Variants in AGPS observed in about 807,000 individuals in gnomAD.
The protein encoded by AGPS is alkylglycerone phosphate synthase, also known as alkyldihydroxyacetonephosphate synthase, peroxisomal.
In AGPS, 26 loss-of-function variants were observed where a neutral mutation model predicts 90.7. That is an observed-to-expected ratio of 0.29 (90% CI 0.21 to 0.40). The LOEUF is 0.40. Ranked by LOEUF, AGPS falls within the 10% of genes least tolerant of loss-of-function variation. The pLI, the probability that AGPS is intolerant of heterozygous loss-of-function variation, is 1.00. For synonymous variants in AGPS, 294 were observed against 285.3 expected (o/e 1.03, Z -0.31); for missense variants, 540 against 816.1 (o/e 0.66, Z 4.12).
At chr2:177,454,718 G>A (rs182657942) in intron 8 of AGPS, among the ~76,000 whole-genome samples, 11 of 152,164 alleles carry the variant, frequency 7.2e-5, no homozygotes, top group Non-Finnish European at 1.5e-4. Flanking sequence ...CTCCTGGGAT[G>A]CACTTATGTG....
intron 8 of AGPS, among the ~76,000 whole-genome samples, chr2:177,451,728 T>G (rs1454908422): frequency 6.6e-6 from 1 of 152,164 alleles, no homozygotes; most frequent in East Asian, 1.9e-4. Flanking sequence ...GGAATGGATG[T>G]TGGATTTGTG....
chr2:177,476,627 A>G (rs978157744), intron 10 of AGPS, among the ~76,000 whole-genome samples: 4 of 152,084 alleles, frequency 2.6e-5, no homozygotes, highest in Non-Finnish European at 5.9e-5. Context: ...CACTTGAAAT[A>G]AATGTACATT....
chr2:177,539,779 C>T lies in AGPS; in HGVS notation c.*1584C>T, dbSNP rs1044596127. 91 of 151,942 alleles carry T rather than the reference C, an allele frequency of 6.0e-4. No homozygotes were observed. In the Middle Eastern group the frequency reaches 0.01, roughly 17 times the overall value. 9.4% of individuals were successfully genotyped at this position (151,942 alleles called of 1,614,324 possible). On this transcript the variant is annotated 3_prime_UTR_variant, in exon 20 of 20. Transcript: ENST00000264167. ...CTGTAATTAAATTAGAATTAAATAT[C>T]AGTTTAACAACAAAATGAAATATTT...
At chr2:177,440,593 G>A (rs970022590) in intron 5 of AGPS, among the ~76,000 whole-genome samples, 1 of 152,126 alleles carries the variant, frequency 6.6e-6, no homozygotes, top group Non-Finnish European at 1.5e-5. Flanking sequence ...GTTGATTCTG[G>A]TCCAGAAAAG....
chr2:177,472,268 T>C (rs1467685529), intron 10 of AGPS, among the ~76,000 whole-genome samples: 1 of 150,184 alleles, frequency 6.7e-6, no homozygotes, highest in African/African-American at 2.5e-5. Context: ...TTTTTCTGGT[T>C]TTTTTTTTCA....
At chr2:177,484,093 C>T (rs1688025874) in intron 11 of AGPS, among the ~76,000 whole-genome samples, 1 of 150,498 alleles carries the variant, frequency 6.6e-6, no homozygotes, top group Non-Finnish European at 1.5e-5. Flanking sequence ...TCATTAATTT[C>T]AGACTGTTCT....
intron 1 of AGPS, among the ~76,000 whole-genome samples, chr2:177,396,898 C>G (rs143992967): frequency 4.1e-4 from 63 of 151,864 alleles, no homozygotes; most frequent in African/African-American, 1.5e-3. Context: ...TTACTTATCA[C>G]ATGGTCTCCT....
chr2:177,506,713 A>G (rs1308636419), intron 15 of AGPS, among the ~76,000 whole-genome samples: 3 of 151,998 alleles, frequency 2.0e-5, no homozygotes, highest in Admixed American at 6.5e-5. Flanking sequence ...CCTGTTCAGC[A>G]TTTTAGAAAT....
intron 7 of AGPS, 35 bp downstream of exon 7, chr2:177,442,521 T>C (rs777329162): frequency 8.8e-6 from 13 of 1,481,446 alleles, no homozygotes; most frequent in Non-Finnish European, 1.2e-5. Flanking sequence ...TAAAACATTT[T>C]CTTTATTGGC....
chr2:177,477,841 CAA>C (rs1210477147), intron 10 of AGPS, among the ~76,000 whole-genome samples: 1 of 151,898 alleles, frequency 6.6e-6, no homozygotes. Flanking sequence ...GTTATAGATC[CAA>C]AAATACATCA....
intron 19 of AGPS, among the ~76,000 whole-genome samples, chr2:177,533,097 C>T (rs2079152286): frequency 6.6e-6 from 1 of 152,160 alleles, no homozygotes; most frequent in Admixed American, 6.6e-5. Context: ...GCCTTTCCAA[C>T]ACTGAATCTT....
At chr2:177,444,665 A>G (rs909272827) in intron 7 of AGPS, among the ~76,000 whole-genome samples, 2 of 151,992 alleles carry the variant, frequency 1.3e-5, no homozygotes, top group African/African-American at 2.4e-5. Context: ...CCTTTTTATT[A>G]TTAAGTAGAT....
intron 11 of AGPS, among the ~76,000 whole-genome samples, chr2:177,490,932 T>G (rs1333060340): frequency 1.4e-5 from 2 of 142,634 alleles, no homozygotes; most frequent in African/African-American, 5.1e-5. Flanking sequence ...CTCGGCTCAC[T>G]GCAACCTCCG....
In AGPS at chr2:177,539,980, C is replaced by A. The variant is rs1428972057; in HGVS notation, c.*1785C>A. On this transcript the variant is annotated 3_prime_UTR_variant, in exon 20 of 20. Transcript: ENST00000264167. ...ATGCATCTGTTCACGAAGGTAATTT[C>A]TTTAATTGGTGATCAAAATATAAAA... 1.4e-5 allele frequency: 2 copies of A among 146,654 alleles called. No homozygotes were observed. The highest frequency in any genetic ancestry group is 1.4e-4 in the Admixed American group (2 of 14,520). 9.1% of individuals were successfully genotyped at this position (146,654 alleles called of 1,614,324 possible).
intron 11 of AGPS, among the ~76,000 whole-genome samples, chr2:177,487,841 T>C (rs966314691): frequency 3.3e-5 from 5 of 152,174 alleles, no homozygotes; most frequent in Non-Finnish European, 5.9e-5. Context: ...CAAGTTATTA[T>C]ACCTTTACTA....
At chr2:177,444,897 A>G (rs1686724054) in intron 7 of AGPS, among the ~76,000 whole-genome samples, 3 of 152,356 alleles carry the variant, frequency 2.0e-5, no homozygotes, top group Admixed American at 1.3e-4. Context: ...ATTGGCAGTC[A>G]TACGTTTGGT....
At chr2:177,411,614 T>G (rs890347147) in intron 1 of AGPS, among the ~76,000 whole-genome samples, 2 of 152,220 alleles carry the variant, frequency 1.3e-5, no homozygotes, top group South Asian at 2.1e-4. Context: ...CATTTGGGGT[T>G]AGTGTCTGAT....
chr2:177,426,991 C>T (rs189692020), intron 2 of AGPS, among the ~76,000 whole-genome samples: 10 of 152,220 alleles, frequency 6.6e-5, no homozygotes, highest in African/African-American at 2.4e-4. Context: ...CTGTCTGGTC[C>T]TGGGCTCTTT....
intron 11 of AGPS, among the ~76,000 whole-genome samples, chr2:177,483,493 T>G (rs1220143714): frequency 1.3e-5 from 2 of 152,198 alleles, no homozygotes; most frequent in Non-Finnish European, 1.5e-5. Flanking sequence ...ATAGGTCCTT[T>G]GATCTTGATT....
Sources: allele counts gnomAD v4.1 joint callset (sites outside exome capture counted in the v4.1 genomes callset), GRCh38; gene constraint gnomAD v4.1.1; transcripts MANE v1.5; gene names NCBI Gene and HGNC (gene_info 2026-07-23, HGNC 2026-07-21).